The following CTNNA2 variants were observed in gnomAD, a reference collection of about 807,000 sequenced individuals.
The protein encoded by CTNNA2 is catenin alpha 2, also known as catenin alpha-2.
A neutral mutation model predicts 101.0 loss-of-function variants in CTNNA2; 42 were observed. The observed-to-expected ratio is 0.42, with a 90% CI of 0.32 to 0.54. CTNNA2 has a LOEUF of 0.54. Among genes scored for constraint, CTNNA2 ranks in the 20% least tolerant of loss-of-function variants. The pLI, the probability that CTNNA2 is intolerant of heterozygous loss-of-function variation, is 0.14. For synonymous variants in CTNNA2, 450 were observed against 456.4 expected (o/e 0.99, Z 0.18); for missense variants, 871 against 1,223.1 (o/e 0.71, Z 4.29).
intron 4 of CTNNA2, among the ~76,000 whole-genome samples, chr2:79,384,631 T>G (rs1196892144): frequency 1.3e-5 from 2 of 152,194 alleles, no homozygotes; most frequent in African/African-American, 2.4e-5. Flanking sequence ...AGGATGTTAC[T>G]TTGAAATCTT....
intron 7 of CTNNA2, among the ~76,000 whole-genome samples, chr2:79,923,215 A>T (rs182741734): frequency 2.8e-4 from 43 of 152,278 alleles, no homozygotes; most frequent in African/African-American, 1.0e-3. Flanking sequence ...TGGCTTCAGT[A>T]TCTAGTTGGA....
At chr2:80,150,635 G>A (rs898626401) in intron 7 of CTNNA2, among the ~76,000 whole-genome samples, 1 of 152,112 alleles carries the variant, frequency 6.6e-6, no homozygotes, top group African/African-American at 2.4e-5. Flanking sequence ...AGTCTCTCAG[G>A]GGACCATTTG....
At chr2:80,420,838 A>C (rs1573998543) in intron 9 of CTNNA2, among the ~76,000 whole-genome samples, 1 of 152,246 alleles carries the variant, frequency 6.6e-6, no homozygotes, top group East Asian at 1.9e-4. Flanking sequence ...TTCTATGTGC[A>C]AAAGCCTTGG....
At chr2:79,681,081 G>A (rs895016376) in intron 2 of CTNNA2, among the ~76,000 whole-genome samples, 2 of 152,148 alleles carry the variant, frequency 1.3e-5, no homozygotes, top group African/African-American at 2.4e-5. Flanking sequence ...GTTGAGCCTC[G>A]GAGATTGAGG....
At chr2:79,585,762 T>C (rs1380867154) in intron 1 of CTNNA2, among the ~76,000 whole-genome samples, 1 of 151,212 alleles carries the variant, frequency 6.6e-6, no homozygotes, top group East Asian at 2.0e-4. Flanking sequence ...CAACATCCCT[T>C]AGGAGCAATT....
intron 7 of CTNNA2, among the ~76,000 whole-genome samples, chr2:80,184,423 G>A (rs903532256): frequency 2.6e-5 from 4 of 152,132 alleles, no homozygotes; most frequent in Non-Finnish European, 5.9e-5. Context: ...TTGCTTCACA[G>A]TGGTAAGAGT....
intron 9 of CTNNA2, among the ~76,000 whole-genome samples, chr2:80,507,734 A>G (rs559272677): frequency 6.6e-6 from 1 of 152,180 alleles, no homozygotes; most frequent in Non-Finnish European, 1.5e-5. Flanking sequence ...TTGCAATAGA[A>G]AATGCTCAAT....
chr2:79,578,025 C>T (rs1177931909), intron 1 of CTNNA2, among the ~76,000 whole-genome samples: 5 of 150,924 alleles, frequency 3.3e-5, no homozygotes, highest in Non-Finnish European at 7.4e-5. Context: ...AAGGAATAAT[C>T]ACTGAGGTGC....
At chr2:80,608,397 C>A in intron 17 of CTNNA2, 79 bp downstream of exon 17, 1 of 1,464,166 alleles carries the variant, frequency 6.8e-7, no homozygotes, top group Non-Finnish European at 9.4e-7. Flanking sequence ...AACAGTACTG[C>A]TAAAAACACC....
chr2:80,418,823 G>T (rs1285143198), intron 8 of CTNNA2, among the ~76,000 whole-genome samples: 1 of 152,152 alleles, frequency 6.6e-6, no homozygotes, highest in African/African-American at 2.4e-5. Context: ...TGGGAATGAT[G>T]TATAATTATG....
intron 7 of CTNNA2, among the ~76,000 whole-genome samples, chr2:80,213,854 T>G (rs994860634): frequency 1.3e-5 from 2 of 152,190 alleles, no homozygotes; most frequent in African/African-American, 4.8e-5. Flanking sequence ...AGTCTAAGTC[T>G]CTTTGTTGGT....
chr2:79,386,060 C>G (rs1678102484), intron 4 of CTNNA2, among the ~76,000 whole-genome samples: 1 of 152,080 alleles, frequency 6.6e-6, no homozygotes, highest in Non-Finnish European at 1.5e-5. Flanking sequence ...AATGGGATTG[C>G]TGGGTCAAAT....
chr2:79,992,453 T>G, intron 7 of CTNNA2, among the ~76,000 whole-genome samples: 1 of 152,238 alleles, frequency 6.6e-6, no homozygotes, highest in East Asian at 1.9e-4. Context: ...TTGTTGTATT[T>G]AAGCAAGTAA....
At chr2:80,128,730 T>A (rs1702261085) in intron 7 of CTNNA2, among the ~76,000 whole-genome samples, 1 of 152,156 alleles carries the variant, frequency 6.6e-6, no homozygotes, top group Non-Finnish European at 1.5e-5. Context: ...AGATTGTGTC[T>A]TTTGATATTT....
chr2:79,921,751 A>G (rs1052894829), intron 7 of CTNNA2, among the ~76,000 whole-genome samples: 6 of 152,160 alleles, frequency 3.9e-5, no homozygotes, highest in Non-Finnish European at 8.8e-5. Flanking sequence ...CAGCTGAGAG[A>G]CTTAGAGCAT....
chr2:80,613,140 G>A (rs1698599655), intron 17 of CTNNA2: 1 of 151,370 alleles, frequency 6.6e-6, no homozygotes, highest in Admixed American at 6.6e-5. Flanking sequence ...AGTAAAATGA[G>A]TTGTTGCATG....
chr2:79,598,745 A>G (rs1056883911), intron 1 of CTNNA2, among the ~76,000 whole-genome samples: 1 of 152,080 alleles, frequency 6.6e-6, no homozygotes, highest in African/African-American at 2.4e-5. Context: ...ATTTTCTCCC[A>G]GTGTGTGTAT....
intron 7 of CTNNA2, among the ~76,000 whole-genome samples, chr2:79,995,923 A>C (rs1574496545): frequency 6.6e-6 from 1 of 152,290 alleles, no homozygotes; most frequent in South Asian, 2.1e-4. Flanking sequence ...GTGGAGACTC[A>C]ATTTTTTCAA....
chr2:80,618,024 C>T (rs1271845971), intron 17 of CTNNA2, among the ~76,000 whole-genome samples: 1 of 151,684 alleles, frequency 6.6e-6, no homozygotes, highest in Non-Finnish European at 1.5e-5. Flanking sequence ...TCAGGATGTG[C>T]CTGCTCTTCA....
Sources: allele counts gnomAD v4.1 joint callset (sites outside exome capture counted in the v4.1 genomes callset), GRCh38; gene constraint gnomAD v4.1.1; transcripts MANE v1.5; gene names NCBI Gene and HGNC (gene_info 2026-07-23, HGNC 2026-07-21).